DCC: variants seen among roughly 807,000 people sequenced by gnomAD.
The protein encoded by DCC is netrin receptor DCC.
A neutral mutation model predicts 172.5 loss-of-function variants in DCC; 58 were observed. The ratio of observed to expected loss-of-function variants is 0.34; its 90% CI spans 0.27 to 0.42. The LOEUF is 0.42. Ranked by LOEUF, DCC falls within the 10% of genes least tolerant of loss-of-function variation. The probability of loss-of-function intolerance (pLI) is 1.00; values close to 1 mark genes in which losing one functional copy is unlikely to be tolerated. For missense variants in DCC, 1,740 were observed against 1,791.0 expected (o/e 0.97, Z 0.51); for synonymous variants, 709 against 644.5 (o/e 1.10, Z -1.52).
In DCC at chr18:53,372,906, C is replaced by G. The variant is rs370479130; in HGVS notation, c.2360-13137C>G. ...ATGTGATTTCATTAGAGTCATAACC[C>G]CTTCTAGGTTTGTAGCCCCTTTTAA... On this transcript the variant is annotated intron_variant, in intron 15 of 28. Transcript: ENST00000442544. 8.4e-4 allele frequency among the ~76,000 whole-genome samples: 128 copies of G among 152,172 alleles called. 1 individual carries two copies. The South Asian group carries it at 0.015, about 17-fold the overall frequency.
chr18:52,832,965 T>A (rs2038643964), intron 2 of DCC, among the ~76,000 whole-genome samples: 1 of 152,180 alleles, frequency 6.6e-6, no homozygotes, highest in African/African-American at 2.4e-5. Context: ...GGAACTACTC[T>A]TAGATTAGCC....
intron 12 of DCC, among the ~76,000 whole-genome samples, chr18:53,303,201 T>C (rs2057160705): frequency 6.6e-6 from 1 of 152,228 alleles, no homozygotes; most frequent in South Asian, 2.1e-4. Flanking sequence ...AGATTTCTTT[T>C]AATTCATCTT....
At chr18:52,792,264 C>G (rs2037785732) in intron 2 of DCC, among the ~76,000 whole-genome samples, 1 of 152,192 alleles carries the variant, frequency 6.6e-6, no homozygotes, top group African/African-American at 2.4e-5. Flanking sequence ...TCCACAGTTA[C>G]TACAACATTC....
intron 1 of DCC, among the ~76,000 whole-genome samples, chr18:52,725,840 G>T (rs746139231): frequency 6.6e-6 from 1 of 152,144 alleles, no homozygotes; most frequent in African/African-American, 2.4e-5. Flanking sequence ...CTTGAGTCAC[G>T]CATCAAATGT....
At chr18:53,136,542 T>C (rs551894344) in intron 7 of DCC, among the ~76,000 whole-genome samples, 5 of 152,306 alleles carry the variant, frequency 3.3e-5, no homozygotes, top group East Asian at 3.9e-4. Flanking sequence ...AGTCTACTTA[T>C]ATAAAATTCT....
At chr18:53,326,683 G>A (rs1223576672) in intron 14 of DCC, among the ~76,000 whole-genome samples, 3 of 152,086 alleles carry the variant, frequency 2.0e-5, no homozygotes, top group Non-Finnish European at 2.9e-5. Context: ...CATAAAATAA[G>A]GTATAAATGA....
intron 7 of DCC, among the ~76,000 whole-genome samples, chr18:53,112,871 G>T (rs746390253): frequency 1.3e-5 from 2 of 151,458 alleles, no homozygotes; most frequent in African/African-American, 2.4e-5. Flanking sequence ...TTGTGTAATT[G>T]CAATGTGTGT....
At chr18:53,315,468 G>A (rs901658974) in intron 13 of DCC, among the ~76,000 whole-genome samples, 1 of 152,132 alleles carries the variant, frequency 6.6e-6, no homozygotes, top group African/African-American at 2.4e-5. Flanking sequence ...AATCCTTTGG[G>A]TATATACCCA....
At chr18:52,868,119 A>C (rs1465194041) in intron 2 of DCC, among the ~76,000 whole-genome samples, 1 of 150,802 alleles carries the variant, frequency 6.6e-6, no homozygotes, top group Admixed American at 6.7e-5. Flanking sequence ...TTGTATATAT[A>C]TGTGTGTGTG....
At chr18:53,305,790 C>T (rs1360449919) in intron 13 of DCC, 71 bp downstream of exon 13, 11 of 1,489,274 alleles carry the variant, frequency 7.4e-6, no homozygotes, top group East Asian at 2.3e-5. Context: ...AATATAGTCT[C>T]ACTCCAAAGG....
chr18:52,933,254 T>C (rs2040334246), intron 5 of DCC, among the ~76,000 whole-genome samples: 1 of 152,064 alleles, frequency 6.6e-6, no homozygotes, highest in Admixed American at 6.6e-5. Context: ...AAGTAGTCTT[T>C]GGGCATAAGA....
At chr18:52,638,073 C>T (rs1598976252) in intron 1 of DCC, among the ~76,000 whole-genome samples, 1 of 152,224 alleles carries the variant, frequency 6.6e-6, no homozygotes, top group East Asian at 1.9e-4. Context: ...AACTAAGCAT[C>T]ATATATGAAG....
chr18:53,336,629 A>G (rs1290392702), intron 14 of DCC, among the ~76,000 whole-genome samples: 2 of 152,220 alleles, frequency 1.3e-5, no homozygotes, highest in Non-Finnish European at 2.9e-5. Context: ...AGGCAGGTGG[A>G]CTGCTTGAGT....
intron 12 of DCC, among the ~76,000 whole-genome samples, chr18:53,287,439 C>T (rs1179114573): frequency 1.3e-5 from 2 of 152,124 alleles, no homozygotes; most frequent in Non-Finnish European, 2.9e-5. Flanking sequence ...AATAATGCTG[C>T]TATGAACATT....
intron 5 of DCC, among the ~76,000 whole-genome samples, chr18:53,014,558 C>T (rs368385155): frequency 1.3e-5 from 2 of 149,072 alleles, no homozygotes; most frequent in African/African-American, 2.5e-5. Context: ...TTTGTCCTTG[C>T]GATAGTTTGC....
At chr18:52,396,100 G>A (rs1193709675) in intron 1 of DCC, among the ~76,000 whole-genome samples, 1 of 151,964 alleles carries the variant, frequency 6.6e-6, no homozygotes, top group Non-Finnish European at 1.5e-5. Context: ...TAATACTGAC[G>A]CTGATGGGTT....
At chr18:52,592,272 GA>G (rs1478841188) in intron 1 of DCC, among the ~76,000 whole-genome samples, 1 of 152,160 alleles carries the variant, frequency 6.6e-6, no homozygotes, top group Non-Finnish European at 1.5e-5. Flanking sequence ...CACTGCAGAA[GA>G]AACTTTTTGC....
At chr18:53,502,422 T>C (rs951484225) in intron 27 of DCC, among the ~76,000 whole-genome samples, 1 of 152,224 alleles carries the variant, frequency 6.6e-6, no homozygotes, top group South Asian at 2.1e-4. Flanking sequence ...GCATGCTTTT[T>C]AAAAGGGCTA....
chr18:52,653,356 T>A (rs1488076501), intron 1 of DCC, among the ~76,000 whole-genome samples: 1 of 152,200 alleles, frequency 6.6e-6, no homozygotes, highest in Non-Finnish European at 1.5e-5. Flanking sequence ...CCAGGTGATA[T>A]GTGATAGGAG....
Sources: gnomAD v4.1 joint callset for allele counts (sites outside exome capture counted in the v4.1 genomes callset) on GRCh38, gnomAD v4.1.1 for gene constraint, MANE v1.5 for transcripts, NCBI Gene and HGNC (gene_info 2026-07-23, HGNC 2026-07-21) for gene names.